PCSK9: variants seen among roughly 807,000 people sequenced by gnomAD.
The protein encoded by PCSK9 is proprotein convertase subtilisin/kexin type 9.
In PCSK9, 57 loss-of-function variants were observed where a neutral mutation model predicts 62.1. That is an observed-to-expected ratio of 0.92 (90% confidence interval 0.74 to 1.14). The LOEUF (loss-of-function observed/expected upper bound fraction) is 1.14, where lower values mean the gene tolerates loss of function less well. Among genes scored for constraint, PCSK9 ranks in the 50% most tolerant of loss-of-function variants. PCSK9 has a pLI of 0.00. For missense variants in PCSK9, 870 were observed against 959.8 expected, an observed-to-expected ratio of 0.91 and a Z score of 1.24; for synonymous variants, 387 against 409.4, an observed-to-expected ratio of 0.95 and a Z score of 0.66.
chr1:55,048,059 C>A (rs1644646790), intron 3 of PCSK9, among the ~76,000 whole-genome samples: 1 of 152,156 alleles, frequency 6.6e-6, no homozygotes. Flanking sequence ...AAATTACCAC[C>A]CCCTCGGTTG....
rs41297883 is a variant in PCSK9, at chr1:55,052,712, C to T, written c.720C>T (p.Gly240=). The change falls in exon 5 of 12, where the codon GGC becomes GGT. Residue 240 remains glycine (G), a synonymous_variant. Coordinates refer to ENST00000302118, the MANE Select transcript of PCSK9 (RefSeq NM_174936.4). The part of the protein sequence containing the change: ...LAGVVSGRDA[G]VAKGASMRSL... ...GGGTGGTCAGCGGCCGGGATGCCGGCGTGGCCAAGGGTGCCAGCATGCGCA... is the reference window on the plus strand; with the variant it reads ...GGGTGGTCAGCGGCCGGGATGCCGGTGTGGCCAAGGGTGCCAGCATGCGCA... The T allele has an allele frequency of 4.6e-3, 7,380 of 1,613,168 alleles. 34 individuals are homozygous for T. The highest frequency in any genetic ancestry group is 0.017 in the South Asian group (1,587 of 91,070).
At position 55,052,419 on chromosome 1, in the gene PCSK9, C is replaced by T. The variant is rs376502208; in HGVS notation, c.657+8C>T. ...ACCCGCTTCCACAGACAGGTAAGCACGGCCGTCTGATGGGAGGGCTGCCTC... is the reference window on the plus strand; with the variant it reads ...ACCCGCTTCCACAGACAGGTAAGCATGGCCGTCTGATGGGAGGGCTGCCTC... On this transcript the variant is annotated splice_region_variant and intron_variant, in intron 4 of 11. Coordinates refer to ENST00000302118, the MANE Select transcript of PCSK9 (RefSeq NM_174936.4). 45 of 1,613,540 alleles carry T rather than the reference C, an allele frequency of 2.8e-5. No individual in the cohort carries two copies. The highest frequency in any genetic ancestry group is 1.6e-4 in the African/African-American group (12 of 74,910).
intron 2 of PCSK9, 74 bp downstream of exon 2, chr1:55,044,108 A>T (rs1354843901): frequency 6.5e-7 from 1 of 1,536,538 alleles, no homozygotes; most frequent in African/African-American, 1.4e-5. Context: ...GACTGTGCTT[A>T]GTAGGCCCAT....
At chr1:55,054,728 G>C (rs1375407073) in intron 5 of PCSK9, among the ~76,000 whole-genome samples, 3 of 152,236 alleles carry the variant, frequency 2.0e-5, no homozygotes, top group Non-Finnish European at 2.9e-5. Context: ...ACTGGTGGCT[G>C]GGTGCAGTGG....
At chr1:55,057,576 T>C in intron 7 of PCSK9, 62 bp downstream of exon 7, 1 of 1,541,288 alleles carries the variant, frequency 6.5e-7, no homozygotes, top group South Asian at 1.2e-5. Context: ...GCAGTCAGGG[T>C]CTGTGCCGGG....
chr1:55,048,981 G>A (rs1389227218), intron 3 of PCSK9, among the ~76,000 whole-genome samples: 2 of 152,226 alleles, frequency 1.3e-5, no homozygotes, highest in African/African-American at 4.8e-5. Context: ...ATACAAATGT[G>A]AATGAAATGA....
At chr1:55,052,128 G>A in intron 3 of PCSK9, 150 bp from the exon 4 acceptor site, 1 of 1,049,122 alleles carries the variant, frequency 9.5e-7, no homozygotes, top group Non-Finnish European at 1.5e-6. Context: ...ATAGGATGTA[G>A]TGTGTGAGGA....
At chr1:55,053,518 G>A (rs1194716290) in intron 5 of PCSK9, among the ~76,000 whole-genome samples, 1 of 152,182 alleles carries the variant, frequency 6.6e-6, no homozygotes, top group Non-Finnish European at 1.5e-5. Flanking sequence ...TCAAGCTGGG[G>A]AACTCGCTGG....
In PCSK9 at chr1:55,061,576, CGGGT is replaced by C; in HGVS notation, c.1863+28_1863+31del. On this transcript the variant is annotated intron_variant, in intron 11 of 11. Coordinates refer to ENST00000302118, the MANE Select transcript of PCSK9 (RefSeq NM_174936.4). ...GAGCAGGTGAAGAGGCCCGTGAGGC[CGGGT>C]GGGTGGGGTGCTGCGTGTCTCTCCT... The C allele has an allele frequency of 6.3e-7, 1 of 1,575,876 alleles. No homozygotes were observed. The highest frequency in any genetic ancestry group is 1.2e-5 in the South Asian group (1 of 85,938).
intron 3 of PCSK9, among the ~76,000 whole-genome samples, chr1:55,050,258 C>T (rs1266815287): frequency 6.6e-6 from 1 of 152,218 alleles, no homozygotes; most frequent in Non-Finnish European, 1.5e-5. Context: ...GCTTATGGGC[C>T]TGGCACCATC....
intron 3 of PCSK9, chr1:55,050,905 C>A (rs1230578128): frequency 2.9e-6 from 1 of 343,380 alleles, no homozygotes; most frequent in Non-Finnish European, 5.7e-6. Context: ...CTGGATTATG[C>A]GGTGGGCTGT....
Position 55,039,587 on chromosome 1 carries a change from C to G in PCSK9, c.-251C>G. ...GCTCATGGTTGCAGGCGGGCGCCGC[C>G]GTTCAGTTCAGGGTCTGAGCCTGGA... On this transcript the variant is annotated 5_prime_UTR_variant, in exon 1 of 12. Transcript: ENST00000302118. 2 of 584,388 alleles carry G rather than the reference C, an allele frequency of 3.4e-6. No individual in the cohort carries two copies. Among genetic ancestry groups the G allele is most frequent in the Non-Finnish European group, 3.0e-6 (1 of 330,248 alleles). 36.2% of individuals were successfully genotyped at this position (584,388 alleles called of 1,614,324 possible). A position where few individuals can be genotyped will look rare whatever the true frequency, so the allele number is the denominator to read the frequency against.
intron 3 of PCSK9, 110 bp downstream of exon 3, chr1:55,046,756 C>T: frequency 7.7e-7 from 1 of 1,300,412 alleles, no homozygotes; most frequent in Non-Finnish European, 1.1e-6. Flanking sequence ...GGCTTTGGGA[C>T]TCAGCACCTC....
At chr1:55,056,866 C>T (rs1167987498) in intron 6 of PCSK9, among the ~76,000 whole-genome samples, 1 of 152,062 alleles carries the variant, frequency 6.6e-6, no homozygotes, top group African/African-American at 2.4e-5. Flanking sequence ...TGTGTGTGTG[C>T]GTGCGCGCGC....
intron 5 of PCSK9, among the ~76,000 whole-genome samples, chr1:55,054,323 C>T (rs181689943): frequency 2.0e-3 from 301 of 152,262 alleles, no homozygotes; most frequent in African/African-American, 7.0e-3. Flanking sequence ...GTGGAGGTTG[C>T]AGTGAGCTGA....
At chr1:55,045,204 A>G (rs888996355) in intron 2 of PCSK9, among the ~76,000 whole-genome samples, 2 of 152,038 alleles carry the variant, frequency 1.3e-5, no homozygotes, top group African/African-American at 4.8e-5. Context: ...GCAGCTGCTC[A>G]GAGGAGAGTA....
rs1644711325 is a variant in PCSK9 at position 55,056,046 on chromosome 1, G to A, written c.853G>A (p.Val285Met). Residue 285 changes from valine (V) to methionine (M), a missense_variant, in exon 6 of 12, where the codon GTG becomes ATG. By Grantham distance (21) the Val-to-Met change is conservative (BLOSUM62 1). Transcript: ENST00000302118. ...QLVQPVGPLV[V>M]LLPLAGGYSR... is the part of the protein sequence containing the mutation. The stretch of plus-strand genomic sequence containing the variant: ...GGTCCAGCCTGTGGGGCCACTGGTG[G>A]TGCTGCTGCCCCTGGCGGGTGGGTA... 1 of 1,609,402 alleles carries A rather than the reference G, an allele frequency of 6.2e-7. No individual in the cohort carries two copies.
intron 6 of PCSK9, among the ~76,000 whole-genome samples, chr1:55,056,844 G>A (rs1644718907): frequency 6.6e-6 from 1 of 152,156 alleles, no homozygotes; most frequent in South Asian, 2.1e-4. Context: ...TTCAAGTCTG[G>A]AACTTCAAGT....
At chr1:55,046,761 C>T (rs1254006645) in intron 3 of PCSK9, 115 bp downstream of exon 3, 3 of 1,229,934 alleles carry the variant, frequency 2.4e-6, no homozygotes, top group Non-Finnish European at 3.5e-6. Context: ...TGGGACTCAG[C>T]ACCTCCACTG....
Sources: gnomAD v4.1 joint callset for allele counts (sites outside exome capture counted in the v4.1 genomes callset) on GRCh38, gnomAD v4.1.1 for gene constraint, MANE v1.5 for transcripts, NCBI Gene and HGNC (gene_info 2026-07-23, HGNC 2026-07-21) for gene names.